The following SDK1 variants were observed in gnomAD, a reference collection of about 807,000 sequenced individuals.
SDK1 encodes the protein sidekick cell adhesion molecule 1.
SDK1 carries 157 observed loss-of-function variants against 245.5 expected under a neutral mutation model. That is an observed-to-expected ratio of 0.64 (90% CI 0.56 to 0.73). SDK1 has a LOEUF of 0.73. Among genes scored for constraint, SDK1 ranks in the 30% least tolerant of loss-of-function variants. The pLI, the probability that SDK1 is intolerant of heterozygous loss-of-function variation, is 0.00. For missense variants in SDK1, 3,583 were observed against 3,002.3 expected, an observed-to-expected ratio of 1.19 and a Z score of -4.52; for synonymous variants, 1,647 against 1,278.5, an observed-to-expected ratio of 1.29 and a Z score of -6.15.
At chr7:3,820,741 T>G (rs1295597178) in intron 4 of SDK1, among the ~76,000 whole-genome samples, 22 of 152,180 alleles carry the variant, frequency 1.4e-4, no homozygotes, top group Non-Finnish European at 1.5e-5. Context: ...TCTGTGAGCC[T>G]CAGTGGCGCA....
rs1562626477 is a variant in SDK1 at position 3,988,155 on chromosome 7, TTTAC to T, written c.2131+834_2131+837del. Among the ~76,000 whole-genome samples the T allele has an allele frequency of 1.0e-3, 144 of 142,488 alleles. 1 individual carries two copies. The highest frequency in any genetic ancestry group is 3.7e-3 in the African/African-American group (134 of 36,220). 93.5% of individuals were successfully genotyped at this position (142,488 alleles called of 152,430 possible). Reference sequence around the variant, plus strand: ...ATGTTTTTTTTTTTTTTTTTTTTTTTTTACCTCACTCCTGCAGCCACCCAAATCT... The same window carrying T: ...ATGTTTTTTTTTTTTTTTTTTTTTTTCTCACTCCTGCAGCCACCCAAATCT... On this transcript the variant is annotated intron_variant, in intron 14 of 44. Coordinates refer to ENST00000404826, the MANE Select transcript of SDK1 (RefSeq NM_152744.4).
At chr7:4,060,472 A>T (rs1463496715) in intron 19 of SDK1, among the ~76,000 whole-genome samples, 2 of 151,988 alleles carry the variant, frequency 1.3e-5, no homozygotes, top group African/African-American at 4.8e-5. Context: ...TCCTTTGCCC[A>T]CTTTTTGATG....
chr7:3,782,904 A>G (rs1191167478), intron 4 of SDK1, among the ~76,000 whole-genome samples: 1 of 152,224 alleles, frequency 6.6e-6, no homozygotes, highest in Non-Finnish European at 1.5e-5. Context: ...ACCAAAGCCA[A>G]ACAAGAACAT....
At position 3,428,361 on chromosome 7, in the gene SDK1, CAG is replaced by C. The variant is rs368742025; in HGVS notation, c.298+126479_298+126480del. Among the ~76,000 whole-genome samples the C allele has an allele frequency of 4.1e-3, 619 of 152,284 alleles. 8 individuals are homozygous for C. The highest frequency in any genetic ancestry group is 0.014 in the African/African-American group (579 of 41,556). ...TGTGGTAACTGAAATTTATGCATCTCAGAACTGTGCAAAGCAAGGACTGCGAG... is the reference window on the plus strand; with the variant it reads ...TGTGGTAACTGAAATTTATGCATCTCAACTGTGCAAAGCAAGGACTGCGAG... On this transcript the variant is annotated intron_variant, in intron 1 of 44. Transcript: ENST00000404826.
Position 3,829,801 on chromosome 7 carries a change from G to C in SDK1, c.847+8218G>C, listed in dbSNP as rs1393875129. ...CTGTTCTGATATCAAAACCACTCCC[G>C]ATCAACATTCATTCCAGAGAACAGC... On this transcript the variant is annotated intron_variant, in intron 5 of 44. Transcript: ENST00000404826. Among the ~76,000 whole-genome samples, 5 of 152,274 alleles carry C rather than the reference G, an allele frequency of 3.3e-5. No individual in the cohort carries two copies. In the South Asian group the frequency reaches 1.0e-3, roughly 32 times the overall value.
chr7:3,353,501 T>C (rs73048668), intron 1 of SDK1, among the ~76,000 whole-genome samples: 15,695 of 152,244 alleles, frequency 0.1, 1,019 homozygotes, highest in African/African-American at 0.18. Context: ...GAATAGCATA[T>C]GTTCTCTGTT....
chr7:3,623,586 G>T (rs1782014651), intron 2 of SDK1, among the ~76,000 whole-genome samples: 1 of 152,050 alleles, frequency 6.6e-6, no homozygotes, highest in African/African-American at 2.4e-5. Context: ...CATTTTGGTG[G>T]CACAGGTGAC....
intron 4 of SDK1, among the ~76,000 whole-genome samples, chr7:3,664,688 C>T (rs1311530678): frequency 1.3e-5 from 2 of 150,082 alleles, no homozygotes; most frequent in African/African-American, 2.5e-5. Flanking sequence ...TGCAGTGAGC[C>T]GAGATTGTGC....
chr7:3,483,449 CCTTA>C (rs1230649942), intron 1 of SDK1, among the ~76,000 whole-genome samples: 2 of 151,956 alleles, frequency 1.3e-5, no homozygotes, highest in African/African-American at 4.8e-5. Context: ...TGCCAAAATC[CCTTA>C]CTTTTTCTGA....
At chr7:3,509,342 T>G (rs1782501535) in intron 1 of SDK1, among the ~76,000 whole-genome samples, 1 of 152,126 alleles carries the variant, frequency 6.6e-6, no homozygotes, top group Non-Finnish European at 1.5e-5. Flanking sequence ...CTGCTTGGGT[T>G]TGAATCCCAG....
chr7:4,268,381 T>G lies in SDK1; in HGVS notation c.*2997T>G, dbSNP rs1025411305. On this transcript the variant is annotated 3_prime_UTR_variant, in exon 45 of 45. Coordinates refer to ENST00000404826, the MANE Select transcript of SDK1 (RefSeq NM_152744.4). ...CCCTCGGCCTCCTGCACGGCCACCT[T>G]CTGGGTGAATCGGTCCAGCCCAAGC... 11 of 1,065,728 alleles carry G rather than the reference T, an allele frequency of 1.0e-5. No individual in the cohort carries two copies. Among genetic ancestry groups the G allele is most frequent in the Non-Finnish European group, 1.3e-5 (11 of 874,892 alleles). 66.0% of individuals were successfully genotyped at this position (1,065,728 alleles called of 1,614,324 possible). A position where few individuals can be genotyped will look rare whatever the true frequency, so the allele number is the denominator to read the frequency against.
rs1049647095 is a variant in SDK1, at chr7:4,064,414, T to G, written c.2912-3424T>G. Among the ~76,000 whole-genome samples the G allele has an allele frequency of 5.9e-5, 9 of 152,186 alleles. No individual in the cohort carries two copies. In the East Asian group the frequency reaches 1.7e-3, roughly 29 times the overall value. ...CAGAATCACTAGAATTAAAAAGACA[T>G]AAAAAATGCTGACAATCATGTGGAG... On this transcript the variant is annotated intron_variant, in intron 19 of 44. Coordinates refer to ENST00000404826, the MANE Select transcript of SDK1 (RefSeq NM_152744.4).
At chr7:4,140,752 C>T (rs539291409) in intron 28 of SDK1, among the ~76,000 whole-genome samples, 20 of 152,224 alleles carry the variant, frequency 1.3e-4, no homozygotes, top group South Asian at 1.2e-3. Context: ...AATATGGTAG[C>T]TATGAAGTGC....
chr7:3,869,153 CTTT>C (rs751723918), intron 5 of SDK1, among the ~76,000 whole-genome samples: 7 of 117,110 alleles, frequency 6.0e-5, no homozygotes, highest in Non-Finnish European at 7.1e-5. Context: ...TTTTTCATTT[CTTT>C]TTTTTTTTTT....
intron 4 of SDK1, among the ~76,000 whole-genome samples, chr7:3,701,812 T>C (rs2115007830): frequency 6.8e-6 from 1 of 147,518 alleles, no homozygotes; most frequent in South Asian, 2.1e-4. Flanking sequence ...AACATAGAAA[T>C]AGGCCCACAT....
chr7:3,705,306 C>T (rs921327240), intron 4 of SDK1, among the ~76,000 whole-genome samples: 1 of 151,770 alleles, frequency 6.6e-6, no homozygotes, highest in Non-Finnish European at 1.5e-5. Context: ...GATACTGATT[C>T]TTTCAATCCA....
intron 4 of SDK1, among the ~76,000 whole-genome samples, chr7:3,690,694 A>G (rs921774484): frequency 8.5e-5 from 13 of 152,198 alleles, no homozygotes; most frequent in African/African-American, 1.2e-4. Context: ...GTAAGATTCC[A>G]TATTAATCTT....
At chr7:3,859,768 C>G (rs1419690222) in intron 5 of SDK1, among the ~76,000 whole-genome samples, 2 of 152,202 alleles carry the variant, frequency 1.3e-5, no homozygotes, top group African/African-American at 4.8e-5. Context: ...CCCACCACAC[C>G]TGTGTCACTC....
In SDK1 at chr7:4,174,217, T is replaced by C; in HGVS notation, c.4801-5T>C. On this transcript the variant is annotated splice_region_variant and splice_polypyrimidine_tract_variant and intron_variant, in intron 32 of 44. Transcript: ENST00000404826. ...TGTGGCTGAGTCGGTGTGATGTCTTTGCAGCCTCCGAGGGACGAAAGCCTG... is the reference window on the plus strand; with the variant it reads ...TGTGGCTGAGTCGGTGTGATGTCTTCGCAGCCTCCGAGGGACGAAAGCCTG... 1 of 1,613,980 alleles carries C rather than the reference T, an allele frequency of 6.2e-7. No individual in the cohort carries two copies. The highest frequency in any genetic ancestry group is 8.5e-7 in the Non-Finnish European group (1 of 1,179,934).
Sources: allele counts gnomAD v4.1 joint callset (sites outside exome capture counted in the v4.1 genomes callset), GRCh38; gene constraint gnomAD v4.1.1; transcripts MANE v1.5; gene names NCBI Gene and HGNC (gene_info 2026-07-23, HGNC 2026-07-21).